Variants in VSNL1 observed in about 807,000 individuals in gnomAD.
VSNL1 encodes visinin like 1.
VSNL1 carries 6 observed loss-of-function variants against 20.4 expected under a neutral mutation model. The observed-to-expected ratio is 0.29, with a 90% CI of 0.16 to 0.58. VSNL1 has a LOEUF of 0.58. VSNL1 is among the 20% of genes least tolerant of loss of function. VSNL1 has a pLI of 0.90. For synonymous variants in VSNL1, 93 were observed against 86.4 expected (o/e 1.08, Z -0.42); for missense variants, 100 against 234.5 (o/e 0.43, Z 3.75).
chr2:17,592,361 T>G, intron 2 of VSNL1, 125 bp downstream of exon 2: 1 of 1,034,598 alleles, frequency 9.7e-7, no homozygotes, highest in Non-Finnish European at 1.4e-6. Context: ...CTGTTTTCCA[T>G]CCAGAAAGAA....
At chr2:17,597,409 AGTACCCAAGG>A (rs749253588) in intron 2 of VSNL1, among the ~76,000 whole-genome samples, 1 of 152,154 alleles carries the variant, frequency 6.6e-6, no homozygotes, top group Non-Finnish European at 1.5e-5. Flanking sequence ...GAGGCCACTG[AGTACCCAAGG>A]GTTGTTCTAT....
In VSNL1 at chr2:17,656,749, T is replaced by A. The variant is rs1666241473; in HGVS notation, c.*1355T>A. 1 of 152,160 alleles carries A rather than the reference T, an allele frequency of 6.6e-6. No homozygotes were observed. The highest frequency in any genetic ancestry group is 1.5e-5 in the Non-Finnish European group (1 of 68,014). The allele number at this position is 152,160 out of a possible 1,614,324, so 9.4% of individuals were successfully genotyped here. ...TACCCGGTAGTACTTTCTCTGATGATGGGAAGGTCTACATCTGCACAGCAC... is the reference window on the plus strand; with the variant it reads ...TACCCGGTAGTACTTTCTCTGATGAAGGGAAGGTCTACATCTGCACAGCAC... On this transcript the variant is annotated 3_prime_UTR_variant, in exon 4 of 4. Transcript: ENST00000295156.
At chr2:17,584,810 A>G (rs990978860) in intron 1 of VSNL1, among the ~76,000 whole-genome samples, 7 of 152,066 alleles carry the variant, frequency 4.6e-5, no homozygotes, top group African/African-American at 1.4e-4. Flanking sequence ...TATCGTTGAG[A>G]CTTGGTAGCT....
At chr2:17,545,698 G>A (rs1292638177) in intron 1 of VSNL1, among the ~76,000 whole-genome samples, 2 of 152,078 alleles carry the variant, frequency 1.3e-5, no homozygotes, top group Non-Finnish European at 2.9e-5. Context: ...TTTTACTAAT[G>A]GAAGGGTCTT....
At chr2:17,566,861 A>G (rs1464986298) in intron 1 of VSNL1, among the ~76,000 whole-genome samples, 1 of 152,196 alleles carries the variant, frequency 6.6e-6, no homozygotes, top group Non-Finnish European at 1.5e-5. Flanking sequence ...ATCCTAACAC[A>G]GTTTTATTGA....
chr2:17,605,038 C>T (rs147241257), intron 2 of VSNL1, among the ~76,000 whole-genome samples: 1,733 of 152,296 alleles, frequency 0.011, 10 homozygotes, highest in Non-Finnish European at 0.014. Flanking sequence ...AATCCAGGTT[C>T]TGCCCCTTGG....
At chr2:17,626,679 A>G (rs939167786) in intron 2 of VSNL1, among the ~76,000 whole-genome samples, 2 of 151,510 alleles carry the variant, frequency 1.3e-5, no homozygotes, top group African/African-American at 4.9e-5. Flanking sequence ...ATTAGACCCT[A>G]TCAACTTATG....
At chr2:17,652,762 A>G (rs1666147764) in intron 3 of VSNL1, among the ~76,000 whole-genome samples, 1 of 152,166 alleles carries the variant, frequency 6.6e-6, no homozygotes, top group African/African-American at 2.4e-5. Flanking sequence ...TTTCCAGATA[A>G]ACATTGAGGA....
At chr2:17,587,489 ATC>A (rs1259541027) in intron 1 of VSNL1, among the ~76,000 whole-genome samples, 1 of 152,038 alleles carries the variant, frequency 6.6e-6, no homozygotes, top group East Asian at 1.9e-4. Flanking sequence ...CCCTTTCCAC[ATC>A]CACGAAGTTC....
intron 1 of VSNL1, among the ~76,000 whole-genome samples, chr2:17,583,508 C>T (rs1558289430): frequency 2.0e-5 from 3 of 152,222 alleles, no homozygotes; most frequent in East Asian, 1.9e-4. Flanking sequence ...AACCAATTCT[C>T]AGAAACACAT....
intron 2 of VSNL1, among the ~76,000 whole-genome samples, chr2:17,592,680 A>T (rs1263489631): frequency 1.1e-5 from 1 of 90,058 alleles, no homozygotes; most frequent in African/African-American, 5.2e-5. Flanking sequence ...TTTTTTTTTT[A>T]CCAGAAAAGA....
chr2:17,615,365 G>T (rs1404691616), intron 2 of VSNL1, among the ~76,000 whole-genome samples: 1 of 152,110 alleles, frequency 6.6e-6, no homozygotes, highest in Admixed American at 6.6e-5. Context: ...CATGGTAATT[G>T]TATTCATGAG....
At chr2:17,625,475 G>C (rs927702352) in intron 2 of VSNL1, among the ~76,000 whole-genome samples, 2 of 152,146 alleles carry the variant, frequency 1.3e-5, no homozygotes, top group African/African-American at 4.8e-5. Flanking sequence ...CTTTGTAATA[G>C]TTGCTTTGAC....
intron 1 of VSNL1, among the ~76,000 whole-genome samples, chr2:17,583,229 G>T (rs1001053892): frequency 3.9e-5 from 6 of 152,150 alleles, no homozygotes; most frequent in Admixed American, 2.6e-4. Flanking sequence ...AAAGACAGGG[G>T]TTGCATTCCT....
chr2:17,615,881 C>A (rs570421679), intron 2 of VSNL1, among the ~76,000 whole-genome samples: 1 of 152,306 alleles, frequency 6.6e-6, no homozygotes, highest in South Asian at 2.1e-4. Flanking sequence ...TCTCTTTGGC[C>A]TAAACTATAC....
At chr2:17,544,975 C>T (rs1367474093) in intron 1 of VSNL1, among the ~76,000 whole-genome samples, 1 of 152,086 alleles carries the variant, frequency 6.6e-6, no homozygotes, top group Non-Finnish European at 1.5e-5. Context: ...TCCATCCCTC[C>T]AATCCATTTT....
chr2:17,622,598 A>AAGAG (rs1220634382), intron 2 of VSNL1, among the ~76,000 whole-genome samples: 7 of 141,750 alleles, frequency 4.9e-5, no homozygotes, highest in African/African-American at 1.8e-4. Flanking sequence ...GAAAGAAAGA[A>AAGAG]AGAAAAGAAA....
At chr2:17,613,708 C>A (rs1665145596) in intron 2 of VSNL1, among the ~76,000 whole-genome samples, 2 of 152,218 alleles carry the variant, frequency 1.3e-5, no homozygotes, top group Non-Finnish European at 2.9e-5. Context: ...CAGCTGTTCC[C>A]TGTGCTGCAC....
At chr2:17,588,905 GA>G (rs1664535471) in intron 1 of VSNL1, among the ~76,000 whole-genome samples, 1 of 152,026 alleles carries the variant, frequency 6.6e-6, no homozygotes, top group Non-Finnish European at 1.5e-5. Context: ...ATGTCCTCAA[GA>G]AATATTATTT....
Sources: gnomAD v4.1 joint callset for allele counts (sites outside exome capture counted in the v4.1 genomes callset) on GRCh38, gnomAD v4.1.1 for gene constraint, MANE v1.5 for transcripts, NCBI Gene and HGNC (gene_info 2026-07-23, HGNC 2026-07-21) for gene names.